DTD1: variants seen among roughly 807,000 people sequenced by gnomAD.
The protein encoded by DTD1 is D-aminoacyl-tRNA deacylase 1, also known as D-tyrosyl-tRNA deacylase 1 homolog.
DTD1 carries 13 observed loss-of-function variants against 25.6 expected under a neutral mutation model. That is an observed-to-expected ratio of 0.51 (90% CI 0.33 to 0.81). DTD1 has a LOEUF of 0.81. Ranked by LOEUF, DTD1 falls within the 30% of genes least tolerant of loss-of-function variation. The probability of loss-of-function intolerance (pLI) is 0.02; values close to 1 mark genes in which losing one functional copy is unlikely to be tolerated. For missense variants in DTD1, 193 were observed against 266.4 expected (o/e 0.72, Z 1.92); for synonymous variants, 110 against 103.6 (o/e 1.06, Z -0.37).
At chr20:18,611,317 C>T (rs2060685919) in intron 3 of DTD1, 1 of 152,232 alleles carries the variant, frequency 6.6e-6, no homozygotes. Flanking sequence ...GCGTTACACA[C>T]TTGCTGTCTT....
At chr20:18,610,189 T>A (rs1328024477) in intron 3 of DTD1, among the ~76,000 whole-genome samples, 1 of 152,248 alleles carries the variant, frequency 6.6e-6, no homozygotes, top group Admixed American at 6.5e-5. Context: ...AAAGGAAAAC[T>A]GCTTTCAGTC....
intron 3 of DTD1, among the ~76,000 whole-genome samples, chr20:18,607,026 G>T (rs1320992660): frequency 6.6e-6 from 1 of 152,134 alleles, no homozygotes; most frequent in Non-Finnish European, 1.5e-5. Flanking sequence ...ATGTGAAGAT[G>T]TGATTTTTCT....
chr20:18,696,044 A>G (rs987580419), intron 4 of DTD1, among the ~76,000 whole-genome samples: 3 of 151,994 alleles, frequency 2.0e-5, no homozygotes, highest in Admixed American at 1.3e-4. Flanking sequence ...TAGTCTTGAG[A>G]AATTGTTTTC....
intron 3 of DTD1, among the ~76,000 whole-genome samples, chr20:18,618,644 CAT>C (rs1237366060): frequency 5.4e-5 from 8 of 148,052 alleles, no homozygotes; most frequent in Non-Finnish European, 8.9e-5. Context: ...TAATTATACA[CAT>C]ATATGTGTAT....
At chr20:18,618,541 T>C (rs1195900598) in intron 3 of DTD1, among the ~76,000 whole-genome samples, 1 of 150,116 alleles carries the variant, frequency 6.7e-6, no homozygotes, top group Non-Finnish European at 1.5e-5. Context: ...AAAAATTATA[T>C]ATATGAACAC....
chr20:18,664,511 C>T (rs893519971), intron 4 of DTD1, among the ~76,000 whole-genome samples: 1 of 152,152 alleles, frequency 6.6e-6, no homozygotes. Flanking sequence ...ATGGGAAATT[C>T]TACAGCAGGA....
At chr20:18,661,653 G>A (rs6045544) in intron 4 of DTD1, among the ~76,000 whole-genome samples, 125,581 of 152,178 alleles carry the variant, frequency 0.83, 52,087 homozygotes, top group Non-Finnish European at 0.88. Flanking sequence ...TTAGAGGCGT[G>A]AGCCACTGCA....
chr20:18,643,970 G>A (rs2060840529), intron 4 of DTD1, among the ~76,000 whole-genome samples: 1 of 152,068 alleles, frequency 6.6e-6, no homozygotes, highest in African/African-American at 2.4e-5. Context: ...CCCCACAAGG[G>A]CATTTGTGTG....
chr20:18,758,366 G>A (rs903321684), intron 5 of DTD1, among the ~76,000 whole-genome samples: 2 of 151,834 alleles, frequency 1.3e-5, no homozygotes, highest in African/African-American at 2.4e-5. Context: ...GTGATGTTAG[G>A]GTGTCAATTT....
At chr20:18,655,778 C>CT (rs1167465540) in intron 4 of DTD1, among the ~76,000 whole-genome samples, 1 of 151,200 alleles carries the variant, frequency 6.6e-6, no homozygotes, top group South Asian at 2.1e-4. Context: ...TTTCTTTTTA[C>CT]TTTTTTTTTG....
chr20:18,655,562 C>G (rs914238659), intron 4 of DTD1, among the ~76,000 whole-genome samples: 1 of 152,140 alleles, frequency 6.6e-6, no homozygotes, highest in Non-Finnish European at 1.5e-5. Context: ...CAGCAATTAT[C>G]AGCCATCACA....
At chr20:18,623,894 G>GTGTA (rs958916143) in intron 3 of DTD1, among the ~76,000 whole-genome samples, 2 of 151,796 alleles carry the variant, frequency 1.3e-5, no homozygotes, top group African/African-American at 4.8e-5. Flanking sequence ...GTGTGTGTGT[G>GTGTA]TGTGTGTGTG....
chr20:18,758,693 T>C (rs1192207472), intron 5 of DTD1, among the ~76,000 whole-genome samples: 6 of 152,240 alleles, frequency 3.9e-5, no homozygotes, highest in Admixed American at 6.5e-5. Context: ...CTTCCAACTA[T>C]GTGGTCAATT....
intron 4 of DTD1, among the ~76,000 whole-genome samples, chr20:18,707,224 G>A (rs927000928): frequency 2.6e-5 from 4 of 152,202 alleles, no homozygotes; most frequent in Admixed American, 6.5e-5. Flanking sequence ...AGAGAGTTTC[G>A]TTCGATAAAT....
chr20:18,641,261 G>A (rs984753955), intron 4 of DTD1, among the ~76,000 whole-genome samples: 1 of 152,158 alleles, frequency 6.6e-6, no homozygotes, highest in African/African-American at 2.4e-5. Context: ...CACTTGGGTT[G>A]TTTCCACTTT....
At chr20:18,755,276 AT>A (rs564467902) in intron 5 of DTD1, among the ~76,000 whole-genome samples, 1 of 151,990 alleles carries the variant, frequency 6.6e-6, no homozygotes, top group Non-Finnish European at 1.5e-5. Flanking sequence ...GATTATTATT[AT>A]TTTTTTATTA....
chr20:18,685,431 T>A (rs6081298), intron 4 of DTD1, among the ~76,000 whole-genome samples: 2 of 152,104 alleles, frequency 1.3e-5, no homozygotes, highest in African/African-American at 4.8e-5. Context: ...GCTTTCTGCC[T>A]TGGACCTGTG....
Position 18,709,319 on chromosome 20 carries a change from TATAATC to T in DTD1, c.478-34777_478-34772del, listed in dbSNP as rs750944544. Among the ~76,000 whole-genome samples, 179 of 152,280 alleles carry T rather than the reference TATAATC, an allele frequency of 1.2e-3. 1 individual carries two copies. Among genetic ancestry groups the T allele is most frequent in the Middle Eastern group, 3.4e-3 (1 of 294 alleles). ...TCAATGTGGTATGTACCTAGGGTGA[TATAATC>T]ATATAATGAGCTGCAGCTTCTCTTC... On this transcript the variant is annotated intron_variant, in intron 4 of 5. Coordinates refer to ENST00000377452, the MANE Select transcript of DTD1 (RefSeq NM_080820.6).
At chr20:18,699,748 A>C (rs1368447043) in intron 4 of DTD1, among the ~76,000 whole-genome samples, 1 of 152,186 alleles carries the variant, frequency 6.6e-6, no homozygotes, top group Non-Finnish European at 1.5e-5. Flanking sequence ...CCACACAGTC[A>C]AGAGTGATCA....
Sources: allele counts gnomAD v4.1 joint callset (sites outside exome capture counted in the v4.1 genomes callset), GRCh38; gene constraint gnomAD v4.1.1; transcripts MANE v1.5; gene names NCBI Gene and HGNC (gene_info 2026-07-23, HGNC 2026-07-21).